The following NRXN2 variants were observed in gnomAD, a reference collection of about 807,000 sequenced individuals.
The protein encoded by NRXN2 is neurexin 2.
A neutral mutation model predicts 128.8 loss-of-function variants in NRXN2; 29 were observed. The ratio of observed to expected loss-of-function variants is 0.23; its 90% CI spans 0.17 to 0.31. The LOEUF is 0.31. Ranked by LOEUF, NRXN2 falls within the 10% of genes least tolerant of loss-of-function variation. The pLI is 1.00. For synonymous variants in NRXN2, 1,098 were observed against 1,075.2 expected (o/e 1.02, Z -0.41); for missense variants, 1,881 against 2,452.6 (o/e 0.77, Z 4.92).
chr11:64,716,026 G>A (rs996161623), intron 1 of NRXN2, among the ~76,000 whole-genome samples: 8 of 152,068 alleles, frequency 5.3e-5, no homozygotes, highest in Non-Finnish European at 8.8e-5. Flanking sequence ...TTCCAGAAGC[G>A]GTAGCCAAAG....
Position 64,704,437 on chromosome 11 carries a change from G to A in NRXN2, c.731-6645C>T, listed in dbSNP as rs140930189. Among the ~76,000 whole-genome samples, 1,179 of 152,174 alleles carry A rather than the reference G, an allele frequency of 7.7e-3. 15 individuals are homozygous for A. Among genetic ancestry groups the A allele is most frequent in the African/African-American group, 0.026 (1,069 of 41,522 alleles). On this transcript the variant is annotated intron_variant, in intron 2 of 22. Coordinates refer to ENST00000265459, the MANE Select transcript of NRXN2 (RefSeq NM_015080.4). Reference sequence around the variant, plus strand: ...AGCCTTGCTCTATAGGAGTCATGGAGCTGTAAAACTGCATCCTTAATAAAG... The same window carrying A: ...AGCCTTGCTCTATAGGAGTCATGGAACTGTAAAACTGCATCCTTAATAAAG...
chr11:64,610,208 C>G (rs953879879), intron 22 of NRXN2, among the ~76,000 whole-genome samples: 1 of 152,154 alleles, frequency 6.6e-6, no homozygotes, highest in African/African-American at 2.4e-5. Flanking sequence ...CAGGGGCTCA[C>G]CTACACCCTA....
At position 64,661,020 on chromosome 11, in the gene NRXN2, G is replaced by A. The variant is rs2048954271; in HGVS notation, c.1918C>T (p.Pro640Ser). The A allele has an allele frequency of 6.2e-7, 1 of 1,613,630 alleles. No individual in the cohort carries two copies. Among genetic ancestry groups the A allele is most frequent in the Non-Finnish European group, 8.5e-7 (1 of 1,179,982 alleles). The change falls in exon 10 of 23, where the codon CCC (proline) becomes TCC (serine). Residue 640 changes from proline to serine, a missense_variant. Transcript: ENST00000265459. ...GLPEGGRVDLPLPPEVWTAAL... is the reference protein window; with the variant it reads ...GLPEGGRVDLSLPPEVWTAAL... Reference sequence around the variant, plus strand: ...GCTGTCCACACCTCTGGGGGCAGGGGCAGGTCCACCCGGCCCCCCTCAGGG... The same window carrying A: ...GCTGTCCACACCTCTGGGGGCAGGGACAGGTCCACCCGGCCCCCCTCAGGG...
chr11:64,674,305 C>T (rs974528386), intron 7 of NRXN2, among the ~76,000 whole-genome samples: 2 of 152,262 alleles, frequency 1.3e-5, no homozygotes, highest in South Asian at 2.1e-4. Flanking sequence ...ATCCTCCTGC[C>T]TTAGCCTCCC....
At chr11:64,628,972 T>C (rs907967729) in intron 19 of NRXN2, among the ~76,000 whole-genome samples, 1 of 152,194 alleles carries the variant, frequency 6.6e-6, no homozygotes, top group Admixed American at 6.5e-5. Flanking sequence ...TGTGTGTACA[T>C]GAACCTCTGT....
intron 3 of NRXN2, among the ~76,000 whole-genome samples, chr11:64,693,816 G>A (rs776705678): frequency 7.2e-5 from 11 of 152,172 alleles, no homozygotes; most frequent in Admixed American, 4.6e-4. Context: ...CCCTATGGGA[G>A]GAAGCCCAGC....
intron 2 of NRXN2, 91 bp from the exon 3 acceptor site, chr11:64,697,883 G>A (rs373094055): frequency 8.0e-6 from 12 of 1,502,892 alleles, no homozygotes; most frequent in East Asian, 6.9e-5. Flanking sequence ...GGGCTCCAAG[G>A]GGAGAGAGGA....
rs1180481811 is a variant in NRXN2, at chr11:64,648,090, A to G, written c.3403+129T>C. 6 of 1,333,130 alleles carry G rather than the reference A, an allele frequency of 4.5e-6. 1 individual carries two copies. Among genetic ancestry groups the G allele is most frequent in the South Asian group, 2.5e-5 (2 of 81,570 alleles). The allele number at this position is 1,333,130 out of a possible 1,614,324, so 82.6% of individuals were successfully genotyped here. A position where few individuals can be genotyped will look rare whatever the true frequency, so the allele number is the denominator to read the frequency against. On this transcript the variant is annotated intron_variant, in intron 17 of 22. Coordinates refer to ENST00000265459, the MANE Select transcript of NRXN2 (RefSeq NM_015080.4). The surrounding 1 kb of genome is among the most constrained non-coding windows in gnomAD (Gnocchi z 4.1). ...ACAGCTCCCCTGGGACTCTGCAGAC[A>G]AGGGATGAGAAGGAAGAAGCAGCAC...
Position 64,653,733 on chromosome 11 carries a change from C to A in NRXN2, c.2390-11G>T. On this transcript the variant is annotated splice_polypyrimidine_tract_variant and intron_variant, in intron 11 of 22. Coordinates refer to ENST00000265459, the MANE Select transcript of NRXN2 (RefSeq NM_015080.4). ...CGACGCGCAGGCAGTCTGGGGGGGC[C>A]ATGGGGCGGGCAGAGGGGAAGGGGA... The A allele has an allele frequency of 1.3e-6, 2 of 1,580,878 alleles. No individual in the cohort carries two copies. The highest frequency in any genetic ancestry group is 1.7e-6 in the Non-Finnish European group (2 of 1,161,470).
rs1275704147 is a variant in NRXN2 at position 64,635,745 on chromosome 11, G to A, written c.3404-293C>T. 6.6e-6 allele frequency among the ~76,000 whole-genome samples: 1 copy of A among 152,192 alleles called. No homozygotes were observed. The highest frequency in any genetic ancestry group is 2.4e-5 in the African/African-American group (1 of 41,430). ...GTGACACAGAGAGAGAGCCCAGAGAGAAGCTGTAAGGAGACTGAGAAGACA... is the reference window on the plus strand; with the variant it reads ...GTGACACAGAGAGAGAGCCCAGAGAAAAGCTGTAAGGAGACTGAGAAGACA... On this transcript the variant is annotated intron_variant, in intron 17 of 22. Transcript: ENST00000265459. The surrounding 1 kb of genome is among the most constrained non-coding windows in gnomAD (Gnocchi z 4.8).
Position 64,713,025 on chromosome 11 carries a change from G to T in NRXN2, c.675C>A (p.Gly225=). The change falls in exon 2 of 23, where the codon GGC becomes GGA. Residue 225 remains glycine (G), a synonymous_variant. Transcript: ENST00000265459. ...NGGLCTVLAP[G]EVGCDCSHTG... ...TGTGGCTGCAGTCGCAGCCCACCTC[G>T]CCGGGGGCCAGCACGGTGCAGAGGC... 7 of 1,477,188 alleles carry T rather than the reference G, an allele frequency of 4.7e-6. No individual in the cohort carries two copies. Among genetic ancestry groups the T allele is most frequent in the Non-Finnish European group, 6.3e-6 (7 of 1,117,588 alleles). 91.5% of individuals were successfully genotyped at this position (1,477,188 alleles called of 1,614,324 possible). A position where few individuals can be genotyped will look rare whatever the true frequency, so the allele number is the denominator to read the frequency against.
chr11:64,704,623 C>CAGAGAGAGAGAGAGAGAGAGAGAG (rs61394963), intron 2 of NRXN2, among the ~76,000 whole-genome samples: 3 of 81,206 alleles, frequency 3.7e-5, no homozygotes, highest in East Asian at 7.1e-4. Flanking sequence ...CACACACACA[C>CAGAGAGAGAGAGAGAGAGAGAGAG]AGAGAGAGAG....
In NRXN2 at chr11:64,626,561, A is replaced by C. The variant is rs765730444; in HGVS notation, c.3758-9T>G. 1 of 1,610,206 alleles carries C rather than the reference A, an allele frequency of 6.2e-7. No homozygotes were observed. Among genetic ancestry groups the C allele is most frequent in the Non-Finnish European group, 8.5e-7 (1 of 1,176,500 alleles). On this transcript the variant is annotated splice_polypyrimidine_tract_variant and intron_variant, in intron 19 of 22. Coordinates refer to ENST00000265459, the MANE Select transcript of NRXN2 (RefSeq NM_015080.4). ...CTCGTTATCAAAGTTTCCTTGGAAA[A>C]GTTTAGAAAGACAGTAGGTTTCTCA...
rs1591422154 is a variant in NRXN2 at position 64,607,270 on chromosome 11, T to C, written c.5065A>G (p.Lys1689Glu). 6.2e-7 allele frequency: 1 copy of C among 1,613,686 alleles called. No homozygotes were observed. The highest frequency in any genetic ancestry group is 1.7e-5 in the Admixed American group (1 of 59,984). ...TTGGGGGCAGCCGGGGCCTTCTCTT[T>C]CACCACCGCCCCATTGCTCTGGGCC... ...NSAQSNGAVV[K>E]EKAPAAPKTP... The change falls in exon 23 of 23, where the codon AAA becomes GAA. Residue 1689 changes from lysine to glutamate, a missense_variant. Physicochemically the swap from Lys to Glu is moderately conservative, Grantham distance 56 (BLOSUM62 1). Around this residue, in one of 7 missense-constraint regions of NRXN2, gnomAD observed 63 missense variants for 76.0 expected, o/e 0.83. Transcript: ENST00000265459.
chr11:64,649,901 A>G (rs2135449956), intron 15 of NRXN2, among the ~76,000 whole-genome samples: 1 of 152,164 alleles, frequency 6.6e-6, no homozygotes, highest in African/African-American at 2.4e-5. Flanking sequence ...GGGGCAGGCA[A>G]TGACTGCTTC....
intron 17 of NRXN2, chr11:64,637,429 G>A (rs1488064395): frequency 6.6e-6 from 1 of 152,258 alleles, no homozygotes; most frequent in Non-Finnish European, 1.5e-5. Flanking sequence ...AGCGCCTGGA[G>A]GTGGGGAGCC....
chr11:64,670,525 TCCACCTCCACTCTGCCTGATG>T (rs1380133308), intron 7 of NRXN2, among the ~76,000 whole-genome samples: 1 of 152,034 alleles, frequency 6.6e-6, no homozygotes, highest in Non-Finnish European at 1.5e-5. Flanking sequence ...CATCCAGCCC[TCCACCTCCACTCTGCCTGATG>T]CTGCACTGAG....
Position 64,661,036 on chromosome 11 carries a change from C to G in NRXN2, c.1902G>C (p.Gly634=). 2 of 1,613,510 alleles carry G rather than the reference C, an allele frequency of 1.2e-6. No individual in the cohort carries two copies. The highest frequency in any genetic ancestry group is 2.2e-5 in the South Asian group (2 of 91,080). The stretch of plus-strand genomic sequence containing the variant: ...GGGGCAGGGGCAGGTCCACCCGGCC[C>G]CCCTCAGGGAGACCGCCCAGGTACA... ...SELYLGGLPE[G]GRVDLPLPPE... The change falls in exon 10 of 23, where the codon GGG becomes GGC. Residue 634 remains glycine, a synonymous_variant. Coordinates refer to ENST00000265459, the MANE Select transcript of NRXN2 (RefSeq NM_015080.4).
chr11:64,645,790 C>G (rs994423601), intron 17 of NRXN2, among the ~76,000 whole-genome samples: 1 of 152,164 alleles, frequency 6.6e-6, no homozygotes, highest in Admixed American at 6.5e-5. Flanking sequence ...CCCCACCAGA[C>G]AGCTCCAACC....
Sources: allele counts gnomAD v4.1 joint callset (sites outside exome capture counted in the v4.1 genomes callset), GRCh38; gene constraint gnomAD v4.1.1; regional missense constraint gnomAD v4.1.1; non-coding constraint Gnocchi (gnomAD v3.1); transcripts MANE v1.5; gene names NCBI Gene and HGNC (gene_info 2026-07-23, HGNC 2026-07-21).